LRRC9: variants seen among roughly 807,000 people sequenced by gnomAD.
LRRC9 encodes leucine-rich repeat-containing protein 9.
A neutral mutation model predicts 63.2 loss-of-function variants in LRRC9; 122 were observed. That is an observed-to-expected ratio of 1.93 (90% CI 1.67 to 2.24). The LOEUF is 2.24. Ranked by LOEUF, LRRC9 falls within the 30% of genes most tolerant of loss-of-function variation. LRRC9 has a pLI of 0.00. For synonymous variants in LRRC9, 366 were observed against 213.1 expected (o/e 1.72, Z -6.25); for missense variants, 1,071 against 627.7 (o/e 1.71, Z -7.55).
At chr14:60,018,674 T>C (rs1010438687) in intron 25 of LRRC9, among the ~76,000 whole-genome samples, 195 bp downstream of exon 25, 4 of 151,974 alleles carry the variant, frequency 2.6e-5, no homozygotes, top group Admixed American at 6.6e-5. Flanking sequence ...CTCAGTTTTA[T>C]GTGATTGTCA....
chr14:59,944,133 GA>G (rs906436619), intron 7 of LRRC9, among the ~76,000 whole-genome samples: 2 of 151,318 alleles, frequency 1.3e-5, no homozygotes, highest in African/African-American at 4.8e-5. Context: ...TTATACATTT[GA>G]AAAAAAATTA....
At chr14:60,036,909 T>TC (rs1438183538) in intron 29 of LRRC9, among the ~76,000 whole-genome samples, 3 of 152,058 alleles carry the variant, frequency 2.0e-5, no homozygotes, top group Non-Finnish European at 4.4e-5. Context: ...ATGCTATCCC[T>TC]CCCCACTCCC....
At chr14:59,982,207 T>G (rs973194844) in intron 16 of LRRC9, 147 bp downstream of exon 16, 3 of 572,474 alleles carry the variant, frequency 5.2e-6, no homozygotes, top group African/African-American at 1.9e-5. Flanking sequence ...TTTTTCTACT[T>G]GGATTAAATC....
At chr14:59,963,600 T>C (rs893906383) in intron 10 of LRRC9, among the ~76,000 whole-genome samples, 1 of 152,160 alleles carries the variant, frequency 6.6e-6, no homozygotes, top group Non-Finnish European at 1.5e-5. Flanking sequence ...GTTTTGTGTC[T>C]TATAAGACAT....
Position 60,003,722 on chromosome 14 carries a change from T to G in LRRC9, c.2766T>G (p.Thr922=). 3 of 696,116 alleles carry G rather than the reference T, an allele frequency of 4.3e-6. No homozygotes were observed. The highest frequency in any genetic ancestry group is 2.6e-6 in the Non-Finnish European group (1 of 382,870). The allele number at this position is 696,116 out of a possible 1,614,324, so 43.1% of individuals were successfully genotyped here. A position where few individuals can be genotyped will look rare whatever the true frequency, so the allele number is the denominator to read the frequency against. ...CATCATTCAGCAATAATAATCTCAC[T>G]AAAATGGAGGGTCTGGAATCCTGTA... The change falls in exon 21 of 32, where the codon ACT becomes ACG. Residue 922 remains threonine (T), a synonymous_variant. Coordinates refer to ENST00000445360, the Ensembl canonical transcript of LRRC9. The surrounding 1 kb of genome is among the most constrained non-coding windows in gnomAD (Gnocchi z 4.2).
At chr14:60,036,562 T>A (rs1280221739) in intron 29 of LRRC9, among the ~76,000 whole-genome samples, 2 of 152,180 alleles carry the variant, frequency 1.3e-5, no homozygotes, top group Admixed American at 1.3e-4. Flanking sequence ...TCTGGTGACA[T>A]CTTATGAATA....
rs1218213558 is a variant in LRRC9, at chr14:59,938,817, C to A, written c.726+245C>A. ...AGAATAATAATGTTTCTAATCTATA[C>A]AAAACAAGAAGGAAATTGAAAAAAA... On this transcript the variant is annotated intron_variant, in intron 7 of 31. Coordinates refer to ENST00000445360, the Ensembl canonical transcript of LRRC9. This position sits in a 1 kb window ranked among gnomAD's most constrained non-coding sequence, Gnocchi z 4.2. Among the ~76,000 whole-genome samples the A allele has an allele frequency of 6.7e-6, 1 of 148,374 alleles. No homozygotes were observed. The highest frequency in any genetic ancestry group is 2.5e-5 in the African/African-American group (1 of 40,450).
chr14:60,049,897 A>G (rs1291259246), intron 29 of LRRC9, among the ~76,000 whole-genome samples: 1 of 152,116 alleles, frequency 6.6e-6, no homozygotes, highest in Non-Finnish European at 1.5e-5. Context: ...TACCCCAATC[A>G]GTCATAGGTT....
At chr14:59,946,132 ACTAT>A (rs537202741) in intron 8 of LRRC9, among the ~76,000 whole-genome samples, 41 of 151,542 alleles carry the variant, frequency 2.7e-4, no homozygotes, top group African/African-American at 6.8e-4. Context: ...AAAATTGGAA[ACTAT>A]CTAAATGTTT....
At chr14:59,950,632 G>T (rs2139901755) in intron 8 of LRRC9, among the ~76,000 whole-genome samples, 1 of 134,250 alleles carries the variant, frequency 7.4e-6, no homozygotes, top group African/African-American at 2.9e-5. Flanking sequence ...GCAGCGGCTG[G>T]TACCAGTTGT....
chr14:60,036,904 A>G (rs1036654166), intron 29 of LRRC9, among the ~76,000 whole-genome samples: 8 of 151,972 alleles, frequency 5.3e-5, no homozygotes, highest in Non-Finnish European at 1.0e-4. Flanking sequence ...TCCTAATGCT[A>G]TCCCTCCCCA....
chr14:60,057,841 G>A (rs1327922555), intron 30 of LRRC9, 37 bp from the exon 31 acceptor site: 2 of 605,478 alleles, frequency 3.3e-6, no homozygotes, highest in African/African-American at 3.6e-5. Flanking sequence ...GAGTTTTGGA[G>A]ATGAGATGTT....
In LRRC9 at chr14:60,054,767, C is replaced by CT. The variant is rs1015029145; in HGVS notation, c.4131+1575dup. ...TATCAATTAGACAATGATTCCCTTA[C>CT]TTTTTTTTTTTTTAGACGAAGTCTT... is the stretch of plus-strand genomic sequence containing the variant. On this transcript the variant is annotated intron_variant, in intron 30 of 31. Transcript: ENST00000445360. Among the ~76,000 whole-genome samples the CT allele has an allele frequency of 4.6e-3, 663 of 145,208 alleles. 2 individuals are homozygous for CT. Among genetic ancestry groups the CT allele is most frequent in the African/African-American group, 0.014 (544 of 39,894 alleles).
In LRRC9 at chr14:59,964,823, T is replaced by C. The variant is rs1445831289; in HGVS notation, c.1212-1766T>C. 7.8e-6 allele frequency among the ~76,000 whole-genome samples: 1 copy of C among 128,786 alleles called. No individual in the cohort carries two copies. Among genetic ancestry groups the C allele is most frequent in the Non-Finnish European group, 1.8e-5 (1 of 56,914 alleles). 84.5% of individuals were successfully genotyped at this position (128,786 alleles called of 152,430 possible). Reference sequence around the variant, plus strand: ...CAACACTATTCATATCTGTCTCCTCTACCAGACTGCGAGCTCCTCTGGGAT... The same window carrying C: ...CAACACTATTCATATCTGTCTCCTCCACCAGACTGCGAGCTCCTCTGGGAT... On this transcript the variant is annotated intron_variant, in intron 10 of 31. Coordinates refer to ENST00000445360, the Ensembl canonical transcript of LRRC9. This position sits in a 1 kb window ranked among gnomAD's most constrained non-coding sequence, Gnocchi z 4.4.
At position 60,003,651 on chromosome 14, in the gene LRRC9, CT is replaced by C. The variant is rs1034461712; in HGVS notation, c.2700del (p.Phe900LeufsTer6). The C allele has an allele frequency of 5.8e-6, 4 of 687,172 alleles. No individual in the cohort carries two copies. In the Admixed American group the frequency reaches 6.4e-5, roughly 11 times the overall value. 42.6% of individuals were successfully genotyped at this position (687,172 alleles called of 1,614,324 possible). A position where few individuals can be genotyped will look rare whatever the true frequency, so the allele number is the denominator to read the frequency against. On this transcript the variant is annotated frameshift_variant, in exon 21 of 32. Transcript: ENST00000445360. LOFTEE classifies it high-confidence loss of function. The surrounding 1 kb of genome is among the most constrained non-coding windows in gnomAD (Gnocchi z 4.2). ...TGCCTTAAATTTAGATGGACAACAT[CT>C]TTTTGAAATCACAAATTTAGAAAAA...
Position 59,966,612 on chromosome 14 carries a change from T to C in LRRC9, c.1235T>C (p.Ile412Thr), listed in dbSNP as rs752125877. The C allele has an allele frequency of 1.2e-5, 8 of 685,250 alleles. No homozygotes were observed. In the South Asian group the frequency reaches 1.2e-4, roughly 11 times the overall value. 42.4% of individuals were successfully genotyped at this position (685,250 alleles called of 1,614,324 possible). ...AGGTTTAATTTCTGCTATGAATTAA[T>C]TCTGTCACGTTTTTGTGCCTGGGAC... The change falls in exon 11 of 32, where the codon ATT (isoleucine) becomes ACT (threonine). Residue 412 changes from isoleucine to threonine, a missense_variant. By Grantham distance (89) the Ile-to-Thr change is moderately conservative (BLOSUM62 -1). Coordinates refer to ENST00000445360, the Ensembl canonical transcript of LRRC9. This position sits in a 1 kb window ranked among gnomAD's most constrained non-coding sequence, Gnocchi z 4.0.
rs1887527487 is a variant in LRRC9, at chr14:59,986,900, G to A, written c.2211+1676G>A. Among the ~76,000 whole-genome samples, 1 of 152,120 alleles carries A rather than the reference G, an allele frequency of 6.6e-6. No individual in the cohort carries two copies. The highest frequency in any genetic ancestry group is 2.1e-4 in the South Asian group (1 of 4,822). On this transcript the variant is annotated intron_variant, in intron 17 of 31. Transcript: ENST00000445360. This position sits in a 1 kb window ranked among gnomAD's most constrained non-coding sequence, Gnocchi z 4.7. Reference sequence around the variant, plus strand: ...TCAAATTTTAGGATGAGTAAAGGTGGCTAGCTATAGACCTTTCAAATGTCA... The same window carrying A: ...TCAAATTTTAGGATGAGTAAAGGTGACTAGCTATAGACCTTTCAAATGTCA...
intron 22 of LRRC9, among the ~76,000 whole-genome samples, chr14:60,007,114 A>G (rs1312120062): frequency 6.6e-6 from 1 of 152,234 alleles, no homozygotes; most frequent in East Asian, 1.9e-4. Context: ...TCTAAAGCTC[A>G]GTGGCCATTT....
At chr14:59,978,264 T>C (rs2140082365) in intron 15 of LRRC9, 132 bp downstream of exon 15, 1 of 507,082 alleles carries the variant, frequency 2.0e-6, no homozygotes, top group East Asian at 3.2e-5. Context: ...ATTTTGTGAA[T>C]AACTTAATTT....
Sources: gnomAD v4.1 joint callset for allele counts (sites outside exome capture counted in the v4.1 genomes callset) on GRCh38, gnomAD v4.1.1 for gene constraint, Gnocchi (gnomAD v3.1) non-coding constraint, MANE v1.5 for transcripts, NCBI Gene and HGNC (gene_info 2026-07-23, HGNC 2026-07-21) for gene names.